The following PLXNA4 variants were observed in gnomAD, a reference collection of about 807,000 sequenced individuals.
PLXNA4 encodes the protein plexin A4.
In PLXNA4, 44 loss-of-function variants were observed where a neutral mutation model predicts 191.8. The ratio of observed to expected loss-of-function variants is 0.23; its 90% CI spans 0.18 to 0.29. The LOEUF (loss-of-function observed/expected upper bound fraction) is 0.29. Ranked by LOEUF, PLXNA4 falls within the 10% of genes least tolerant of loss-of-function variation. The pLI is 1.00. For synonymous variants in PLXNA4, 1,082 were observed against 1,009.5 expected (o/e 1.07, Z -1.36); for missense variants, 1,800 against 2,488.8 (o/e 0.72, Z 5.89).
At chr7:132,362,255 G>A (rs975565743) in intron 3 of PLXNA4, among the ~76,000 whole-genome samples, 6 of 152,224 alleles carry the variant, frequency 3.9e-5, no homozygotes, top group Non-Finnish European at 7.3e-5. Context: ...CACCTGCAGG[G>A]AGGGATCCTA....
At chr7:132,279,367 C>T (rs760960875) in intron 4 of PLXNA4, among the ~76,000 whole-genome samples, 14 of 152,130 alleles carry the variant, frequency 9.2e-5, no homozygotes, top group Non-Finnish European at 1.3e-4. Flanking sequence ...TAAGGCTGGG[C>T]ATGGTGGCTC....
At chr7:132,427,678 T>TC (rs1423656429) in intron 3 of PLXNA4, among the ~76,000 whole-genome samples, 1 of 152,180 alleles carries the variant, frequency 6.6e-6, no homozygotes, top group South Asian at 2.1e-4. Context: ...CACCAGCAAG[T>TC]CATGGTCTGA....
At chr7:132,247,208 A>G (rs1004851168) in intron 4 of PLXNA4, among the ~76,000 whole-genome samples, 1 of 152,194 alleles carries the variant, frequency 6.6e-6, no homozygotes, top group Non-Finnish European at 1.5e-5. Flanking sequence ...TTCCACAGAT[A>G]TAGCATGCAG....
At chr7:132,200,948 T>C (rs888248077) in intron 12 of PLXNA4, among the ~76,000 whole-genome samples, 2 of 152,240 alleles carry the variant, frequency 1.3e-5, no homozygotes, top group African/African-American at 4.8e-5. Flanking sequence ...TGGGTTTGAA[T>C]TGTGTTTCCA....
chr7:132,130,115 T>G lies in PLXNA4; in HGVS notation c.*364A>C, dbSNP rs906894393. 1 of 232,440 alleles carries G rather than the reference T, an allele frequency of 4.3e-6. No homozygotes were observed. The highest frequency in any genetic ancestry group is 8.7e-6 in the Non-Finnish European group (1 of 114,886). The allele number at this position is 232,440 out of a possible 1,614,324, so 14.4% of individuals were successfully genotyped here. On this transcript the variant is annotated 3_prime_UTR_variant, in exon 32 of 32. Transcript: ENST00000321063. The stretch of plus-strand genomic sequence containing the variant: ...AAGGTGAAGTAGCAGCACAGAAATG[T>G]CCCCTGTCCCTGGCTCCTCATTCGT...
chr7:132,335,526 C>A (rs892226274), intron 3 of PLXNA4, among the ~76,000 whole-genome samples: 2 of 152,114 alleles, frequency 1.3e-5, no homozygotes, highest in African/African-American at 4.8e-5. Flanking sequence ...GCTCCCTGGG[C>A]CAAAATAGAA....
At chr7:132,462,410 G>A (rs1796539714) in intron 3 of PLXNA4, among the ~76,000 whole-genome samples, 1 of 152,144 alleles carries the variant, frequency 6.6e-6, no homozygotes, top group African/African-American at 2.4e-5. Flanking sequence ...AACAAGGATT[G>A]TGCTATGAAA....
intron 3 of PLXNA4, among the ~76,000 whole-genome samples, chr7:132,318,872 CT>C (rs1802053615): frequency 6.6e-6 from 1 of 151,540 alleles, no homozygotes; most frequent in Non-Finnish European, 1.5e-5. Context: ...TGAAGCTGGT[CT>C]TTAACAAGTG....
intron 5 of PLXNA4, among the ~76,000 whole-genome samples, chr7:132,234,649 C>T (rs1026401915): frequency 7.1e-6 from 1 of 140,546 alleles, no homozygotes; most frequent in African/African-American, 2.7e-5. Flanking sequence ...GGGGGCTTGG[C>T]GGGGGGCAGG....
intron 30 of PLXNA4, among the ~76,000 whole-genome samples, chr7:132,140,016 G>C (rs1795221209): frequency 6.6e-6 from 1 of 152,160 alleles, no homozygotes; most frequent in South Asian, 2.1e-4. Flanking sequence ...GCGGCTCATA[G>C]GGGGACCTTC....
intron 4 of PLXNA4, among the ~76,000 whole-genome samples, chr7:132,289,675 G>T (rs1563014825): frequency 2.0e-5 from 3 of 151,846 alleles, no homozygotes; most frequent in Non-Finnish European, 2.9e-5. Flanking sequence ...TGGGACTACA[G>T]GTGCACACCA....
chr7:132,449,435 G>A (rs1440220599), intron 3 of PLXNA4, among the ~76,000 whole-genome samples: 1 of 152,180 alleles, frequency 6.6e-6, no homozygotes, highest in Admixed American at 6.5e-5. Flanking sequence ...GAAGGCAGGA[G>A]GAACCATGTT....
At chr7:132,598,396 A>G (rs1049851340) in intron 2 of PLXNA4, among the ~76,000 whole-genome samples, 13 of 152,252 alleles carry the variant, frequency 8.5e-5, no homozygotes, top group African/African-American at 2.9e-4. Flanking sequence ...GGCGTGAGCC[A>G]CTGCGCCTGG....
intron 14 of PLXNA4, among the ~76,000 whole-genome samples, chr7:132,189,750 T>A (rs1797030287): frequency 6.6e-6 from 1 of 151,934 alleles, no homozygotes; most frequent in South Asian, 2.1e-4. Flanking sequence ...TAGATGGGGG[T>A]TCTGTCCCTT....
intron 3 of PLXNA4, among the ~76,000 whole-genome samples, chr7:132,471,169 G>A (rs533776493): frequency 4.6e-5 from 7 of 152,290 alleles, no homozygotes; most frequent in African/African-American, 1.7e-4. Flanking sequence ...CCTTATCTAT[G>A]TGACGTGCCT....
intron 2 of PLXNA4, among the ~76,000 whole-genome samples, chr7:132,504,593 T>C (rs1267884794): frequency 1.3e-5 from 2 of 152,190 alleles, no homozygotes; most frequent in Non-Finnish European, 2.9e-5. Flanking sequence ...GTAACTATGA[T>C]AAAACCCACA....
intron 9 of PLXNA4, among the ~76,000 whole-genome samples, chr7:132,214,741 G>T (rs1797911670): frequency 6.6e-6 from 1 of 152,160 alleles, no homozygotes; most frequent in Non-Finnish European, 1.5e-5. Flanking sequence ...CACCTTGAAG[G>T]CTTCTCACCC....
At chr7:132,395,112 G>A (rs1793703107) in intron 3 of PLXNA4, among the ~76,000 whole-genome samples, 1 of 152,214 alleles carries the variant, frequency 6.6e-6, no homozygotes, top group Non-Finnish European at 1.5e-5. Context: ...GGAGCCATTG[G>A]CCAAATAACC....
chr7:132,172,579 G>A (rs1177343267), intron 21 of PLXNA4, among the ~76,000 whole-genome samples: 1 of 115,870 alleles, frequency 8.6e-6, no homozygotes, highest in Non-Finnish European at 1.5e-5. Flanking sequence ...GGCAAGAAGG[G>A]GTTGGAAAAA....
Sources: gnomAD v4.1 joint callset for allele counts (sites outside exome capture counted in the v4.1 genomes callset) on GRCh38, gnomAD v4.1.1 for gene constraint, MANE v1.5 for transcripts, NCBI Gene and HGNC (gene_info 2026-07-23, HGNC 2026-07-21) for gene names.